The following KRT76 variants were observed in gnomAD, a reference collection of about 807,000 sequenced individuals.
The protein encoded by KRT76 is keratin 76.
A neutral mutation model predicts 44.9 loss-of-function variants in KRT76; 47 were observed. That is an observed-to-expected ratio of 1.05 (90% CI 0.83 to 1.33). KRT76 has a LOEUF of 1.33. KRT76 is among the 40% of genes most tolerant of loss of function. KRT76 has a pLI of 0.00. For synonymous variants in KRT76, 331 were observed against 294.1 expected, an observed-to-expected ratio of 1.13 and a Z score of -1.28; for missense variants, 860 against 775.8, an observed-to-expected ratio of 1.11 and a Z score of -1.29.
rs199792968 is a variant in KRT76, at chr12:52,771,179, C to T, written c.1304G>A (p.Arg435His). ...LQTAIAEAEQ[R>H]GEMALKDANA... ...GGCGTCCTTGAGGGCCATCTCTCCA[C>T]GCTGCTCAGCCTCTGCAATTGCCGT... Residue 435 changes from arginine (R) to histidine (H), a missense_variant, in exon 7 of 9, where the codon CGT (arginine) becomes CAT (histidine). Physicochemically the swap from Arg to His is conservative, Grantham distance 29. Coordinates refer to ENST00000332411, the MANE Select transcript of KRT76 (RefSeq NM_015848.4). 3.7e-5 allele frequency: 60 copies of T among 1,614,096 alleles called. No individual in the cohort carries two copies. The highest frequency in any genetic ancestry group is 2.3e-4 in the Admixed American group (14 of 60,012).
chr12:52,768,703 G>A lies in KRT76; in HGVS notation c.*10C>T, dbSNP rs1433980427. On this transcript the variant is annotated 3_prime_UTR_variant, in exon 9 of 9. Transcript: ENST00000332411. ...GGAAGCAGGTGGTTATAGAGATTTG[G>A]AACAGTAGATCACTTGGTGGAGCTA... 1 of 1,582,584 alleles carries A rather than the reference G, an allele frequency of 6.3e-7. No individual in the cohort carries two copies. The highest frequency in any genetic ancestry group is 1.3e-5 in the African/African-American group (1 of 74,498).
chr12:52,774,992 C>T, intron 2 of KRT76, among the ~76,000 whole-genome samples: 1 of 152,178 alleles, frequency 6.6e-6, no homozygotes, highest in African/African-American at 2.4e-5. Context: ...TAGGGGAACA[C>T]TCACACTCCT....
At position 52,768,954 on chromosome 12, in the gene KRT76, T is replaced by A. The variant is rs764824659; in HGVS notation, c.1676A>T (p.Tyr559Phe). Residue 559 changes from tyrosine to phenylalanine, a missense_variant, in exon 9 of 9, where the codon TAT becomes TTT. Transcript: ENST00000332411. ...AGTGCTGCCACTGCTGACCCCTCCA[T>A]AGCCACTGCCGCTGCCGCCACTGAC... ...YGVSGGSGSG[Y>F]GGVSSGSTGG... 1.5e-6 allele frequency: 2 copies of A among 1,372,814 alleles called. No individual in the cohort carries two copies. The highest frequency in any genetic ancestry group is 2.9e-5 in the African/African-American group (2 of 69,714). The allele number at this position is 1,372,814 out of a possible 1,614,324, so 85.0% of individuals were successfully genotyped here.
chr12:52,772,971 G>A (rs567836415), intron 3 of KRT76, 93 bp from the exon 4 acceptor site: 34 of 817,824 alleles, frequency 4.2e-5, no homozygotes, highest in Admixed American at 2.7e-4. Flanking sequence ...TCTTTGTTCC[G>A]CCCCCAGCTC....
chr12:52,771,330 T>G, intron 6 of KRT76, 111 bp from the exon 7 acceptor site: 1 of 1,044,170 alleles, frequency 9.6e-7, no homozygotes. Flanking sequence ...TCCTTAGAAA[T>G]CCCAATGGAG....
chr12:52,769,434 G>A (rs1183870276), intron 8 of KRT76, 115 bp downstream of exon 8: 1 of 861,264 alleles, frequency 1.2e-6, no homozygotes, highest in African/African-American at 1.7e-5. Context: ...ACGCTGTCAG[G>A]TGGCCTGACT....
rs61737044 is a variant in KRT76 at position 52,768,903 on chromosome 12, T to C, written c.1727A>G (p.Tyr576Cys). Residue 576 changes from tyrosine to cysteine, a missense_variant, in exon 9 of 9, where the codon TAC becomes TGC. By Grantham distance (194) the Tyr-to-Cys change is radical. Coordinates refer to ENST00000332411, the MANE Select transcript of KRT76 (RefSeq NM_015848.4). ...STGGRGSSGSYQSSSSGSRLG... is the reference protein window; with the variant it reads ...STGGRGSSGSCQSSSSGSRLG... ...CCTGCTCCCACTACTGCTGCTCTGG[T>C]AGCTCCCGCTGCTACCCCTGCCCCC... 5,107 of 1,608,816 alleles carry C rather than the reference T, an allele frequency of 3.2e-3. 143 individuals are homozygous for C. In the African/African-American group the frequency reaches 0.061, roughly 19 times the overall value.
Position 52,768,597 on chromosome 12 carries a change from A to G in KRT76, c.*116T>C. 1 of 1,206,878 alleles carries G rather than the reference A, an allele frequency of 8.3e-7. No individual in the cohort carries two copies. Among genetic ancestry groups the G allele is most frequent in the South Asian group, 1.5e-5 (1 of 65,202 alleles). The allele number at this position is 1,206,878 out of a possible 1,614,324, so 74.8% of individuals were successfully genotyped here. On this transcript the variant is annotated 3_prime_UTR_variant, in exon 9 of 9. Transcript: ENST00000332411. ...CAGGAGTTCAGCTTCTTCTCCAGGG[A>G]ACTTGAGGAAAAATGTGGTTGACCC...
chr12:52,775,608 T>G lies in KRT76; in HGVS notation c.601-6A>C, dbSNP rs374789954. 9 of 1,611,934 alleles carry G rather than the reference T, an allele frequency of 5.6e-6. No homozygotes were observed. In the Admixed American group the frequency reaches 6.7e-5, roughly 12 times the overall value. On this transcript the variant is annotated splice_polypyrimidine_tract_variant and splice_region_variant and intron_variant, in intron 1 of 8. Transcript: ENST00000332411. ...TGCTGTTCCAGGAACCGCACCTGCA[T>G]GAAAGAGGGGAGAAAAGGAGTCAGC...
chr12:52,772,782 C>T lies in KRT76; in HGVS notation c.972+1G>A, dbSNP rs763429362. 1.0e-4 allele frequency: 161 copies of T among 1,604,892 alleles called. 1 individual carries two copies. In the South Asian group the frequency reaches 1.7e-3, roughly 17 times the overall value. On this transcript the variant is annotated splice_donor_variant, in intron 4 of 8. Coordinates refer to ENST00000332411, the MANE Select transcript of KRT76 (RefSeq NM_015848.4). LOFTEE classifies it high-confidence loss of function. ...CTGCAGCTTGCAAACCAAGGAATCA[C>T]CATCTCATAGAGGGTCCTCAGGAAG...
chr12:52,775,599 G>T lies in KRT76; in HGVS notation c.604C>A (p.Arg202=), dbSNP rs145628518. 1.1e-5 allele frequency: 17 copies of T among 1,612,588 alleles called. No individual in the cohort carries two copies. Among genetic ancestry groups the T allele is most frequent in the Non-Finnish European group, 1.4e-5 (16 of 1,179,572 alleles). The part of the protein sequence containing the change: ...NKFASFIDKV[R]FLEQQNKVLE... ...ACCTTGTTCTGCTGTTCCAGGAACC[G>T]CACCTGCATGAAAGAGGGGAGAAAA... The change falls in exon 2 of 9, where the codon CGG becomes AGG. Residue 202 remains arginine, a synonymous_variant. Coordinates refer to ENST00000332411, the MANE Select transcript of KRT76 (RefSeq NM_015848.4).
At chr12:52,773,985 C>T (rs1451387476) in intron 2 of KRT76, among the ~76,000 whole-genome samples, 4 of 152,106 alleles carry the variant, frequency 2.6e-5, no homozygotes, top group Admixed American at 6.6e-5. Context: ...GCATGCACCA[C>T]CACGTCCAGC....
At chr12:52,775,106 C>T (rs930948136) in intron 2 of KRT76, among the ~76,000 whole-genome samples, 2 of 152,136 alleles carry the variant, frequency 1.3e-5, no homozygotes, top group African/African-American at 4.8e-5. Context: ...TCAAGTGTGG[C>T]GGACTCCCCA....
rs1286737852 is a variant in KRT76 at position 52,769,544 on chromosome 12, C to T, written c.1519+5G>A. 3 of 1,613,490 alleles carry T rather than the reference C, an allele frequency of 1.9e-6. No individual in the cohort carries two copies. In the African/African-American group the frequency reaches 4.0e-5, roughly 22 times the overall value. ...GGGAGAGGGTTTTTTGAATGGGCTA[C>T]TTACAAATGCACACGGCACTCTGAC... On this transcript the variant is annotated splice_donor_5th_base_variant and intron_variant, in intron 8 of 8. Transcript: ENST00000332411.
intron 8 of KRT76, 149 bp from the exon 9 acceptor site, chr12:52,769,259 C>A (rs931173327): frequency 8.2e-6 from 5 of 608,870 alleles, no homozygotes; most frequent in Admixed American, 5.9e-5. Context: ...TGAGAGTGAG[C>A]CTGGCCTCTA....
chr12:52,774,864 A>T (rs1213476002), intron 2 of KRT76, among the ~76,000 whole-genome samples: 3 of 152,160 alleles, frequency 2.0e-5, no homozygotes, highest in African/African-American at 7.2e-5. Context: ...ATGGACTGCA[A>T]CTTGGAACGT....
intron 1 of KRT76, 140 bp downstream of exon 1, chr12:52,776,552 C>T: frequency 7.4e-7 from 1 of 1,351,636 alleles, no homozygotes; most frequent in Non-Finnish European, 1.0e-6. Flanking sequence ...GGCATGATCA[C>T]TGTCCTGTAG....
At chr12:52,769,890 A>G (rs1198910030) in intron 7 of KRT76, among the ~76,000 whole-genome samples, 1 of 152,100 alleles carries the variant, frequency 6.6e-6, no homozygotes, top group Non-Finnish European at 1.5e-5. Context: ...TGCTAAGACC[A>G]TCTTCCCACC....
intron 7 of KRT76, among the ~76,000 whole-genome samples, chr12:52,770,457 A>G (rs1327753970): frequency 6.6e-6 from 1 of 152,232 alleles, no homozygotes; most frequent in Admixed American, 6.5e-5. Context: ...TTCCAAGAGC[A>G]TGGATGTATC....
Sources: allele counts gnomAD v4.1 joint callset (sites outside exome capture counted in the v4.1 genomes callset), GRCh38; gene constraint gnomAD v4.1.1; transcripts MANE v1.5; gene names NCBI Gene and HGNC (gene_info 2026-07-23, HGNC 2026-07-21).